BPIFB3: variants seen among roughly 807,000 people sequenced by gnomAD.
The protein encoded by BPIFB3 is BPI fold-containing family B member 3.
A neutral mutation model predicts 53.1 loss-of-function variants in BPIFB3; 49 were observed. The ratio of observed to expected loss-of-function variants is 0.92; its 90% CI spans 0.73 to 1.17. BPIFB3 has a LOEUF of 1.17. Among genes scored for constraint, BPIFB3 ranks in the 50% most tolerant of loss-of-function variants. The pLI is 0.00. For synonymous variants in BPIFB3, 271 were observed against 269.6 expected, an observed-to-expected ratio of 1.01 and a Z score of -0.05; for missense variants, 628 against 592.5, an observed-to-expected ratio of 1.06 and a Z score of -0.62.
At chr20:33,061,243 T>TGGTGTC (rs1329663927) in intron 4 of BPIFB3, among the ~76,000 whole-genome samples, 1 of 151,998 alleles carries the variant, frequency 6.6e-6, no homozygotes, top group Non-Finnish European at 1.5e-5. Flanking sequence ...AGGATGGTGT[T>TGGTGTC]GGTGTCCTGT....
At chr20:33,058,417 CCAGT>C (rs1202147821) in intron 2 of BPIFB3, among the ~76,000 whole-genome samples, 2 of 152,134 alleles carry the variant, frequency 1.3e-5, no homozygotes, top group Non-Finnish European at 2.9e-5. Context: ...CCAAGCCCAT[CCAGT>C]CAGTTAGTGG....
exon 7 of BPIFB3, chr20:33,064,475 C>A: frequency 1.2e-6 from 2 of 1,614,072 alleles, no homozygotes; most frequent in South Asian, 1.1e-5. Flanking sequence ...TCCCTTGGGG[C>A]TCTTGGGTCC....
chr20:33,060,221 G>A (rs1280616621), intron 4 of BPIFB3, among the ~76,000 whole-genome samples, 190 bp downstream of exon 5: 4 of 152,184 alleles, frequency 2.6e-5, no homozygotes, highest in Non-Finnish European at 4.4e-5. Context: ...CAGGGACTCC[G>A]GCTTAATCCA....
intron 2 of BPIFB3, among the ~76,000 whole-genome samples, chr20:33,058,672 T>C (rs1221874894): frequency 6.6e-6 from 1 of 152,060 alleles, no homozygotes; most frequent in Non-Finnish European, 1.5e-5. Flanking sequence ...TGTTCGTGCC[T>C]TGAAGAGCTC....
chr20:33,070,086 T>A, intron 11 of BPIFB3, 131 bp downstream of exon 12: 1 of 1,003,718 alleles, frequency 1.0e-6, no homozygotes, highest in African/African-American at 1.6e-5. Context: ...CCTCCTTGCC[T>A]TCAGGACCCG....
intron 2 of BPIFB3, 131 bp from the exon 4 acceptor site, chr20:33,059,247 A>G: frequency 3.1e-6 from 2 of 635,410 alleles, no homozygotes; most frequent in South Asian, 1.8e-5. Flanking sequence ...AGATGAAGTG[A>G]TGGGCCAAGG....
Position 33,064,860 on chromosome 20 carries a change from C to T in BPIFB3, c.924+15C>T, listed in dbSNP as rs776361777. 1.4e-5 allele frequency: 23 copies of T among 1,607,422 alleles called. No homozygotes were observed. The highest frequency in any genetic ancestry group is 8.0e-5 in the African/African-American group (6 of 74,860). Reference sequence around the variant, plus strand: ...CCCCTGAGCTGGTGAGTGTGGTGCCCGGGGGATGGGGATGGGGGCTCCTTG... The same window carrying T: ...CCCCTGAGCTGGTGAGTGTGGTGCCTGGGGGATGGGGATGGGGGCTCCTTG... On this transcript the variant is annotated intron_variant, in intron 8 of 14. Transcript: ENST00000375494.
chr20:33,070,932 ACT>A lies in BPIFB3; in HGVS notation c.1218-318_1218-317del, dbSNP rs1336235819. Among the ~76,000 whole-genome samples, 19 of 152,082 alleles carry A rather than the reference ACT, an allele frequency of 1.2e-4. No homozygotes were observed. The South Asian group carries it at 3.3e-3, about 27-fold the overall frequency. ...AGTGAGCACCTGCTGTATGCAAGGC[ACT>A]CTGTGTCCAGTGCTCAGTCTGGGGG... On this transcript the variant is annotated intron_variant, in intron 11 of 14. Coordinates refer to ENST00000375494, the Ensembl canonical transcript of BPIFB3.
chr20:33,057,422 C>T (rs1280409345), intron 2 of BPIFB3, among the ~76,000 whole-genome samples: 6 of 90,896 alleles, frequency 6.6e-5, no homozygotes, highest in African/African-American at 3.1e-4. Context: ...CTCCTGATCT[C>T]AGGAGATCTG....
chr20:33,057,246 T>C (rs2146379691), intron 2 of BPIFB3, among the ~76,000 whole-genome samples: 1 of 152,250 alleles, frequency 6.6e-6, no homozygotes, highest in Non-Finnish European at 1.5e-5. Context: ...TGGAGTGCAG[T>C]GGCATGATCT....
At chr20:33,072,062 C>T in intron 12 of BPIFB3, 42 bp from the exon 14 acceptor site, 1 of 1,607,454 alleles carries the variant, frequency 6.2e-7, no homozygotes, top group Non-Finnish European at 8.5e-7. Context: ...TAAAGCCACA[C>T]CCCAGAGCAC....
intron 2 of BPIFB3, 38 bp downstream of exon 3, chr20:33,056,736 G>A (rs914328782): frequency 1.4e-5 from 22 of 1,517,430 alleles, no homozygotes; most frequent in Non-Finnish European, 1.9e-5. Context: ...AGGAAGACTT[G>A]GCTTTGCTTC....
chr20:33,061,843 G>T lies in BPIFB3; in HGVS notation c.591+12G>T. On this transcript the variant is annotated intron_variant, in intron 5 of 14. Coordinates refer to ENST00000375494, the Ensembl canonical transcript of BPIFB3. ...TGCTTCCGGGACTGGTGAGTGTGCGGGCCGTGTGCCAGCATGCCCTCTCCC... is the reference window on the plus strand; with the variant it reads ...TGCTTCCGGGACTGGTGAGTGTGCGTGCCGTGTGCCAGCATGCCCTCTCCC... The T allele has an allele frequency of 6.2e-7, 1 of 1,614,076 alleles. No individual in the cohort carries two copies. Among genetic ancestry groups the T allele is most frequent in the Non-Finnish European group, 8.5e-7 (1 of 1,179,938 alleles).
chr20:33,073,592 C>A (rs764288800), exon 15 of BPIFB3: 2 of 1,614,106 alleles, frequency 1.2e-6, no homozygotes, highest in Middle Eastern at 1.6e-4. Flanking sequence ...GTTGTGCTGA[C>A]CGTGGCATCC....
intron 2 of BPIFB3, among the ~76,000 whole-genome samples, chr20:33,057,351 G>C (rs1980253369): frequency 6.6e-6 from 1 of 152,046 alleles, no homozygotes; most frequent in Non-Finnish European, 1.5e-5. Context: ...ACCACGACGG[G>C]CTAATTTTTG....
At chr20:33,068,726 T>G in intron 9 of BPIFB3, 77 bp from the exon 11 acceptor site, 1 of 1,462,980 alleles carries the variant, frequency 6.8e-7, no homozygotes, top group Non-Finnish European at 9.4e-7. Context: ...GCCTGGTAGG[T>G]GCTTAGTGAG....
At chr20:33,073,361 G>A (rs1034176522) in intron 14 of BPIFB3, among the ~76,000 whole-genome samples, 2 of 152,226 alleles carry the variant, frequency 1.3e-5, no homozygotes, top group African/African-American at 4.8e-5. Flanking sequence ...TAAATTAATA[G>A]CAGAAATGGC....
chr20:33,068,913 C>T (rs369561547), exon 10 of BPIFB3: 15 of 1,613,982 alleles, frequency 9.3e-6, no homozygotes, highest in African/African-American at 1.3e-5. Flanking sequence ...TCCCAGCCAA[C>T]ATCCATGTGC....
intron 8 of BPIFB3, among the ~76,000 whole-genome samples, chr20:33,065,597 GGAAA>G (rs1249850298): frequency 3.4e-5 from 5 of 145,468 alleles, no homozygotes; most frequent in African/African-American, 1.3e-4. Context: ...AAGGAAGGAA[GGAAA>G]GAAGGAAGGA....
Sources: gnomAD v4.1 joint callset for allele counts (sites outside exome capture counted in the v4.1 genomes callset) on GRCh38, gnomAD v4.1.1 for gene constraint, MANE v1.5 for transcripts, NCBI Gene and HGNC (gene_info 2026-07-23, HGNC 2026-07-21) for gene names.